RUFY1: variants seen among roughly 807,000 people sequenced by gnomAD.
The protein encoded by RUFY1 is RUN and FYVE domain-containing protein 1.
Under a neutral mutation model 94.6 loss-of-function variants are expected in RUFY1, and 54 were observed. The observed-to-expected ratio is 0.57, with a 90% CI of 0.46 to 0.72. RUFY1 has a LOEUF of 0.72. Ranked by LOEUF, RUFY1 falls within the 30% of genes least tolerant of loss-of-function variation. RUFY1 has a pLI of 0.00. For missense variants in RUFY1, 883 were observed against 883.9 expected, an observed-to-expected ratio of 1.00 and a Z score of 0.01; for synonymous variants, 396 against 347.3, an observed-to-expected ratio of 1.14 and a Z score of -1.56.
chr5:179,599,305 GT>G (rs1766048803), intron 14 of RUFY1: 1 of 154,570 alleles, frequency 6.5e-6, no homozygotes, highest in African/African-American at 2.4e-5. Context: ...GATCCGTTCT[GT>G]TTGCGGATGG....
At chr5:179,595,421 C>T (rs1765534271) in intron 12 of RUFY1, among the ~76,000 whole-genome samples, 1 of 152,096 alleles carries the variant, frequency 6.6e-6, no homozygotes, top group South Asian at 2.1e-4. Flanking sequence ...TCAAAGACAA[C>T]ATATGGACAG....
chr5:179,572,700 C>A, intron 5 of RUFY1: 1 of 169,168 alleles, frequency 5.9e-6, no homozygotes, highest in Non-Finnish European at 1.3e-5. Context: ...GACAATGAAG[C>A]CCAATGTGGA....
intron 3 of RUFY1, among the ~76,000 whole-genome samples, chr5:179,564,487 GTC>G (rs1250390712): frequency 1.4e-5 from 2 of 145,522 alleles, no homozygotes; most frequent in African/African-American, 5.1e-5. Context: ...TGGTGGTGCA[GTC>G]TCTCAGCTCA....
chr5:179,586,553 A>G (rs973164828), intron 8 of RUFY1: 1 of 420,416 alleles, frequency 2.4e-6, no homozygotes, highest in Admixed American at 2.7e-5. Flanking sequence ...GAACACCTCC[A>G]CGGCATGGAG....
intron 17 of RUFY1, chr5:179,608,756 T>C: frequency 2.4e-6 from 1 of 408,592 alleles, no homozygotes; most frequent in African/African-American, 2.2e-5. Flanking sequence ...TGAAACCCCA[T>C]CATCTCTACT....
intron 1 of RUFY1, among the ~76,000 whole-genome samples, chr5:179,551,591 A>C (rs1468951779): frequency 6.6e-6 from 1 of 151,666 alleles, no homozygotes; most frequent in Admixed American, 6.6e-5. Flanking sequence ...TCCCGGGTTC[A>C]AGCGATCCTC....
At chr5:179,607,774 T>TGACTGTGGC in intron 17 of RUFY1, 115 bp downstream of exon 17, 1 of 872,904 alleles carries the variant, frequency 1.1e-6, no homozygotes, top group Non-Finnish European at 1.8e-6. Context: ...GTGACTGTGC[T>TGACTGTGGC]GACTGTGGCA....
chr5:179,559,564 C>T, intron 1 of RUFY1: 13 of 687,730 alleles, frequency 1.9e-5, no homozygotes, highest in Non-Finnish European at 2.2e-5. Flanking sequence ...ATGGCGCCCA[C>T]CAGCTCCGTA....
intron 5 of RUFY1, among the ~76,000 whole-genome samples, chr5:179,574,705 T>G (rs1763489754): frequency 6.6e-6 from 1 of 151,840 alleles, no homozygotes; most frequent in Non-Finnish European, 1.5e-5. Flanking sequence ...CTTACAGCTT[T>G]TGAAAAATCT....
At chr5:179,579,670 T>TTTTTTTTTTTTTTTTTTTTTG (rs1763955684) in intron 6 of RUFY1, among the ~76,000 whole-genome samples, 1 of 108,694 alleles carries the variant, frequency 9.2e-6, no homozygotes, top group Non-Finnish European at 1.9e-5. Context: ...TTTTTTTTTT[T>TTTTTTTTTTTTTTTTTTTTTG]TTTTTTTTTG....
chr5:179,552,419 T>C (rs1308329988), intron 1 of RUFY1, among the ~76,000 whole-genome samples: 1 of 152,122 alleles, frequency 6.6e-6, no homozygotes, highest in East Asian at 1.9e-4. Flanking sequence ...TGACCCCAGG[T>C]AGTGAATTGT....
chr5:179,594,527 C>T (rs533248663), intron 11 of RUFY1, among the ~76,000 whole-genome samples: 2 of 147,330 alleles, frequency 1.4e-5, no homozygotes, highest in African/African-American at 5.0e-5. Context: ...TCTGGGAGGC[C>T]AAGGCAGGCG....
intron 6 of RUFY1, among the ~76,000 whole-genome samples, chr5:179,579,657 C>CTTTTTTTTTTTTTTGTTT (rs1763948148): frequency 2.0e-5 from 1 of 50,548 alleles, no homozygotes; most frequent in Admixed American, 3.8e-4. Context: ...TTTTCTTCTT[C>CTTTTTTTTTTTTTTGTTT]TTTTTTTTTT....
At chr5:179,608,532 T>C in intron 17 of RUFY1, 1 of 985,458 alleles carries the variant, frequency 1.0e-6, no homozygotes, top group Non-Finnish European at 1.2e-6. Context: ...CTCCACCCCC[T>C]TGGAATGCAG....
At chr5:179,554,846 T>C (rs1762029701) in intron 1 of RUFY1, among the ~76,000 whole-genome samples, 1 of 151,994 alleles carries the variant, frequency 6.6e-6, no homozygotes. Flanking sequence ...CGCACGCCTG[T>C]AATCCCAGCT....
At chr5:179,597,361 G>A (rs931959264) in intron 13 of RUFY1, among the ~76,000 whole-genome samples, 9 of 151,968 alleles carry the variant, frequency 5.9e-5, no homozygotes, top group African/African-American at 1.2e-4. Flanking sequence ...TCAGCCTCCC[G>A]AGCAGCTGGG....
chr5:179,602,060 C>G lies in RUFY1; in HGVS notation c.1856+74C>G, dbSNP rs574257258. 2.5e-5 allele frequency: 31 copies of G among 1,259,774 alleles called. No homozygotes were observed. In the Admixed American group the frequency reaches 3.4e-4, roughly 14 times the overall value. The allele number at this position is 1,259,774 out of a possible 1,614,324, so 78.0% of individuals were successfully genotyped here. A position where few individuals can be genotyped will look rare whatever the true frequency, so the allele number is the denominator to read the frequency against. The stretch of plus-strand genomic sequence containing the variant: ...CCACCACATCCCTCAGGCCCCAAAC[C>G]TACCTCCTTTTGGCGAACGGAGGGT... On this transcript the variant is annotated intron_variant, in intron 15 of 17. Coordinates refer to ENST00000319449, the MANE Select transcript of RUFY1 (RefSeq NM_025158.5).
chr5:179,608,626 T>C (rs1767360331), intron 17 of RUFY1: 3 of 985,394 alleles, frequency 3.0e-6, no homozygotes, highest in South Asian at 9.4e-5. Flanking sequence ...AGTAAACTTT[T>C]TGTCTTAAAA....
At chr5:179,602,278 G>T in intron 15 of RUFY1, 1 of 357,648 alleles carries the variant, frequency 2.8e-6, no homozygotes. Context: ...TGAGGGAACA[G>T]ATGGGCAATG....
Sources: gnomAD v4.1 joint callset for allele counts (sites outside exome capture counted in the v4.1 genomes callset) on GRCh38, gnomAD v4.1.1 for gene constraint, MANE v1.5 for transcripts, NCBI Gene and HGNC (gene_info 2026-07-23, HGNC 2026-07-21) for gene names.